Variants in AHNAK observed in about 807,000 individuals in gnomAD.
AHNAK encodes the protein AHNAK nucleoprotein, also known as neuroblast differentiation-associated protein AHNAK.
AHNAK carries 23 observed loss-of-function variants against 37.8 expected under a neutral mutation model. That is an observed-to-expected ratio of 0.61 (90% CI 0.44 to 0.86). AHNAK has a LOEUF of 0.86. Ranked by LOEUF, AHNAK falls within the 40% of genes least tolerant of loss-of-function variation. AHNAK has a pLI of 0.00. For missense variants in AHNAK, 7,411 were observed against 7,319.4 expected (o/e 1.01, Z -0.46); for synonymous variants, 2,481 against 2,636.3 (o/e 0.94, Z 1.80).
At chr11:62,512,367 C>G (rs1939930369), downstream of AHNAK, among the ~76,000 whole-genome samples, 2 of 152,204 alleles carry the variant, frequency 1.3e-5, no homozygotes, top group East Asian at 1.9e-4. This position sits in a 1 kb window ranked among gnomAD's most constrained non-coding sequence, Gnocchi z 4.0. Context: ...GATTCCTCCT[C>G]TACCTCCAGT....
chr11:62,540,800 C>A lies in AHNAK; in HGVS notation c.-99-4233G>T, dbSNP rs774303280. On this transcript the variant is annotated intron_variant, in intron 1 of 4. Coordinates refer to ENST00000378024, the MANE Select transcript of AHNAK (RefSeq NM_001620.3). ...GTGAGAGCACGTATGCCTGACGCTG[C>A]GGGACAGACTGTAATTCAGGCCAGA... Among the ~76,000 whole-genome samples the A allele has an allele frequency of 5.3e-5, 8 of 152,332 alleles. No individual in the cohort carries two copies. The South Asian group carries it at 1.4e-3, about 28-fold the overall frequency.
rs761065490 is a variant in AHNAK, at chr11:62,522,611, T to G, written c.11806A>C (p.Lys3936Gln). Residue 3936 changes from lysine to glutamine, a missense_variant, in exon 5 of 5, where the codon AAA becomes CAA. Transcript: ENST00000378024. ...CCAGGCATGCTGATCTTGGGCATTT[T>G]TATCTTAGGCATCTTCAGGTGCCAG... ...PDWHLKMPKI[K>Q]MPKISMPGFK... The G allele has an allele frequency of 3.1e-6, 5 of 1,610,910 alleles. No homozygotes were observed. The Admixed American group carries it at 8.4e-5, about 27-fold the overall frequency.
downstream of AHNAK, among the ~76,000 whole-genome samples, chr11:62,513,940 C>T (rs529069033): frequency 6.6e-6 from 1 of 152,284 alleles, no homozygotes; most frequent in Admixed American, 6.5e-5. Context: ...CAGTTTTTCA[C>T]ACCCATCACA....
At chr11:62,456,742 C>T (rs576544487) in intron 5 of AHNAK, among the ~76,000 whole-genome samples, 1 of 152,334 alleles carries the variant, frequency 6.6e-6, no homozygotes. Flanking sequence ...CTTAGTAGAT[C>T]TGGATCAGAG....
chr11:62,476,450 A>C (rs1939148968), intron 5 of AHNAK, among the ~76,000 whole-genome samples: 2 of 152,326 alleles, frequency 1.3e-5, no homozygotes, highest in South Asian at 4.1e-4. Flanking sequence ...TCGTGGCGCC[A>C]GCCATTAGAA....
chr11:62,493,206 G>C (rs1939535897), intron 4 of AHNAK, among the ~76,000 whole-genome samples: 1 of 150,986 alleles, frequency 6.6e-6, no homozygotes, highest in Non-Finnish European at 1.5e-5. Context: ...TAGAGACAGG[G>C]TTTCACCATG....
Position 62,532,734 on chromosome 11 carries a change from G to A in AHNAK, c.1683C>T (p.Ser561=), listed in dbSNP as rs142399976. The change falls in exon 5 of 5, where the codon TCC becomes TCT. Residue 561 remains serine, a synonymous_variant. Transcript: ENST00000378024. ...AGATCCTACAGGTTCCGGTTTTCCC[G>A]GAAGGACTGCCAAGCCTAGGGCCTG... ...TLTGPRLGSP[S]GKTGTCRISM... 3.5e-5 allele frequency: 56 copies of A among 1,613,918 alleles called. No individual in the cohort carries two copies. The African/African-American group carries it at 4.0e-4, about 12-fold the overall frequency.
intron 5 of AHNAK, chr11:62,491,724 T>G (rs765006496): frequency 1.2e-4 from 196 of 1,604,714 alleles, no homozygotes; most frequent in Non-Finnish European, 1.6e-4. Flanking sequence ...CCCCATCACT[T>G]CTCTCACCTG....
intron 5 of AHNAK, among the ~76,000 whole-genome samples, chr11:62,476,965 C>T (rs1311979027): frequency 6.6e-6 from 1 of 152,160 alleles, no homozygotes; most frequent in African/African-American, 2.4e-5. Flanking sequence ...GCATTGGTTG[C>T]AGAAATCACC....
chr11:62,522,946 A>C lies in AHNAK; in HGVS notation c.11471T>G (p.Val3824Gly), dbSNP rs772640334. The part of the protein sequence containing the change: ...MPGFKGEGPD[V>G]DVNLPKADLD... ...GTCAGCCTTGGGCAGGTTCACATCC[A>C]CATCTGGGCCCTCTCCTTTGAAGCC... The change falls in exon 5 of 5, where the codon GTG becomes GGG. Residue 3824 changes from valine (V) to glycine (G), a missense_variant. By Grantham distance (109) the Val-to-Gly change is moderately radical. Coordinates refer to ENST00000378024, the MANE Select transcript of AHNAK (RefSeq NM_001620.3). 3.7e-6 allele frequency: 6 copies of C among 1,612,840 alleles called. No individual in the cohort carries two copies. Among genetic ancestry groups the C allele is most frequent in the South Asian group, 3.3e-5 (3 of 91,038 alleles).
At chr11:62,508,714 C>T (rs552251524) in intron 4 of AHNAK, among the ~76,000 whole-genome samples, 4 of 152,388 alleles carry the variant, frequency 2.6e-5, no homozygotes, top group South Asian at 2.1e-4. Context: ...GGCTGCCTGA[C>T]GCCACGGGGC....
intron 4 of AHNAK, among the ~76,000 whole-genome samples, chr11:62,509,153 A>T (rs540912858): frequency 6.6e-6 from 1 of 152,180 alleles, no homozygotes; most frequent in Non-Finnish European, 1.5e-5. Flanking sequence ...GAACCCAATC[A>T]TGAGGAAATA....
At position 62,522,460 on chromosome 11, in the gene AHNAK, C is replaced by T. The variant is rs200126367; in HGVS notation, c.11957G>A (p.Gly3986Asp). 2.5e-6 allele frequency: 4 copies of T among 1,613,276 alleles called. No homozygotes were observed. The highest frequency in any genetic ancestry group is 4.5e-5 in the East Asian group (2 of 44,846). The change falls in exon 5 of 5, where the codon GGC becomes GAC. Residue 3986 changes from glycine (G) to aspartate (D), a missense_variant. Coordinates refer to ENST00000378024, the MANE Select transcript of AHNAK (RefSeq NM_001620.3). ...CATCTCTGGCATCTTGAATTTAGGG[C>T]CCTTCAGTTTCGCATCTGGACCTTC... ...NIEGPDAKLK[G>D]PKFKMPEMNI...
chr11:62,483,720 G>A (rs550042587), intron 5 of AHNAK, among the ~76,000 whole-genome samples: 122 of 152,256 alleles, frequency 8.0e-4, no homozygotes, highest in Non-Finnish European at 1.5e-3. Flanking sequence ...ATAGCCAGGC[G>A]TGGTGGCTGG....
Position 62,529,985 on chromosome 11 carries a change from C to T in AHNAK, c.4432G>A (p.Gly1478Arg). Residue 1478 changes from glycine (G) to arginine (R), a missense_variant, in exon 5 of 5, where the codon GGA becomes AGA. Gly to Arg is a moderately radical substitution (Grantham distance 125). Transcript: ENST00000378024. The part of the protein sequence containing the change: ...DYDVTVPKVE[G>R]EIKAPDVDIK... ...TCAACATCAGGAGCTTTTATCTCTC[C>T]TTCTACTTTTGGAACTGTTACATCA... is the stretch of plus-strand genomic sequence containing the variant. 1 of 1,613,746 alleles carries T rather than the reference C, an allele frequency of 6.2e-7. No individual in the cohort carries two copies. Among genetic ancestry groups the T allele is most frequent in the Non-Finnish European group, 8.5e-7 (1 of 1,179,946 alleles).
intron 5 of AHNAK, among the ~76,000 whole-genome samples, chr11:62,471,293 AG>A (rs1024097504): frequency 1.3e-4 from 20 of 152,070 alleles, no homozygotes; most frequent in Non-Finnish European, 2.2e-4. Flanking sequence ...TGTCGCAACT[AG>A]GGGGGGCTTC....
Position 62,519,642 on chromosome 11 carries a change from G to A in AHNAK, c.14775C>T (p.Leu4925=), listed in dbSNP as rs768371937. 13 of 1,613,812 alleles carry A rather than the reference G, an allele frequency of 8.1e-6. No homozygotes were observed. In the East Asian group the frequency reaches 1.1e-4, roughly 14 times the overall value. Reference sequence around the variant, plus strand: ...CTGAAAATCCAATTTTTGGTGCCTTGAGATGCAAATCAACATCAGGAGCAG... The same window carrying A: ...CTGAAAATCCAATTTTTGGTGCCTTAAGATGCAAATCAACATCAGGAGCAG... ...KVTAPDVDLH[L]KAPKIGFSGP... The change falls in exon 5 of 5, where the codon CTC becomes CTT. Residue 4925 remains leucine, a synonymous_variant. Transcript: ENST00000378024.
intron 5 of AHNAK, among the ~76,000 whole-genome samples, chr11:62,445,101 C>A (rs1938397174): frequency 2.6e-5 from 4 of 152,298 alleles, no homozygotes; most frequent in Non-Finnish European, 1.5e-5. Context: ...TCTCACCCTG[C>A]CAGACAGCGA....
At chr11:62,445,327 T>C (rs1170817109) in intron 5 of AHNAK, among the ~76,000 whole-genome samples, 1 of 152,244 alleles carries the variant, frequency 6.6e-6, no homozygotes, top group Non-Finnish European at 1.5e-5. Flanking sequence ...AACCTAATGT[T>C]ATGTTTTAAG....
Sources: allele counts gnomAD v4.1 joint callset (sites outside exome capture counted in the v4.1 genomes callset), GRCh38; gene constraint gnomAD v4.1.1; non-coding constraint Gnocchi (gnomAD v3.1); transcripts MANE v1.5; gene names NCBI Gene and HGNC (gene_info 2026-07-23, HGNC 2026-07-21).